Variants in DOCK11 observed in about 807,000 individuals in gnomAD.
DOCK11 encodes dedicator of cytokinesis protein 11.
In DOCK11, 70 loss-of-function variants were observed where a neutral mutation model predicts 169.1. The ratio of observed to expected loss-of-function variants is 0.41; its 90% CI spans 0.34 to 0.51. The LOEUF is 0.51. DOCK11 is among the 20% of genes least tolerant of loss of function. The pLI is 0.10. For synonymous variants in DOCK11, 529 were observed against 541.3 expected (o/e 0.98, Z 0.32); for missense variants, 1,166 against 1,538.8 (o/e 0.76, Z 4.05).
At chrX:118,507,507 G>A (rs1341026329) in intron 1 of DOCK11, among the ~76,000 whole-genome samples, 2 of 110,674 alleles carry the variant, frequency 1.8e-5, no homozygotes, top group African/African-American at 3.3e-5. Context: ...CTGCCACCAC[G>A]CCTGGCTAAT....
At chrX:118,653,034 A>G (rs2015983467) in intron 42 of DOCK11, among the ~76,000 whole-genome samples, 1 of 111,846 alleles carries the variant, frequency 8.9e-6, no homozygotes, top group Admixed American at 9.5e-5. Flanking sequence ...TCCGCAGGGG[A>G]TCAGTATATG....
At chrX:118,598,138 T>G in intron 22 of DOCK11, 22 bp downstream of exon 22, 1 of 1,108,969 alleles carries the variant, frequency 9.0e-7, no homozygotes, top group African/African-American at 1.8e-5. Flanking sequence ...CATTTGAATT[T>G]TGTCAATTTT....
intron 4 of DOCK11, among the ~76,000 whole-genome samples, chrX:118,544,833 T>C (rs2012199145): frequency 9.5e-6 from 1 of 105,810 alleles, no homozygotes. Flanking sequence ...GTTAATTTTT[T>C]TTTTTTTTTT....
intron 5 of DOCK11, 56 bp from the exon 6 acceptor site, chrX:118,545,965 G>T: frequency 1.1e-6 from 1 of 874,905 alleles, no homozygotes; most frequent in East Asian, 3.1e-5. Context: ...TAAATGTTTC[G>T]CTAATTAGAT....
At chrX:118,525,101 C>T (rs1415400873) in intron 1 of DOCK11, among the ~76,000 whole-genome samples, 2 of 108,909 alleles carry the variant, frequency 1.8e-5, no homozygotes, top group Admixed American at 9.8e-5. Flanking sequence ...GCCAAAATAG[C>T]GCCACTGCAC....
At position 118,561,471 on chromosome X, in the gene DOCK11, A is replaced by G; in HGVS notation, c.647A>G (p.Glu216Gly). 3 of 1,208,213 alleles carry G rather than the reference A, an allele frequency of 2.5e-6. No individual in the cohort carries two copies. In the South Asian group the frequency reaches 5.3e-5, roughly 22 times the overall value. ...NSYKDEKNSK[E>G]SKGCIYLDAC... ...TATAAAGATGAGAAAAATTCAAAAGAATCGAAAGGTTGCATCTACTTGGAC... is the reference window on the plus strand; with the variant it reads ...TATAAAGATGAGAAAAATTCAAAAGGATCGAAAGGTTGCATCTACTTGGAC... The change falls in exon 7 of 53, where the codon GAA becomes GGA. Residue 216 changes from glutamate to glycine, a missense_variant. Coordinates refer to ENST00000276202, the MANE Select transcript of DOCK11 (RefSeq NM_144658.4).
rs745682381 is a variant in DOCK11 at position 118,610,298 on chromosome X, G to A, written c.2976G>A (p.Glu992=). The part of the protein sequence containing the change: ...IKLPRGQRFP[E]TYHHVLHSLL... ...TTCCCCGAGGCCAGAGATTTCCCGA[G>A]ACATATCATCATGTCTTACATTCAC... The change falls in exon 28 of 53, where the codon GAG becomes GAA. Residue 992 remains glutamate, a synonymous_variant. Coordinates refer to ENST00000276202, the MANE Select transcript of DOCK11 (RefSeq NM_144658.4). The A allele has an allele frequency of 1.7e-6, 2 of 1,209,648 alleles. No homozygotes were observed. The highest frequency in any genetic ancestry group is 5.9e-5 in the East Asian group (2 of 33,792).
At chrX:118,524,397 T>G (rs763450589) in intron 1 of DOCK11, among the ~76,000 whole-genome samples, 1 of 111,656 alleles carries the variant, frequency 9.0e-6, no homozygotes, top group East Asian at 2.8e-4. Flanking sequence ...TTTGTCGGTG[T>G]CCTCTGATTT....
chrX:118,584,934 A>C lies in DOCK11; in HGVS notation c.1718+77A>C, dbSNP rs1187858515. The C allele has an allele frequency of 4.4e-6, 5 of 1,143,256 alleles. No individual in the cohort carries two copies. The East Asian group carries it at 1.5e-4, about 34-fold the overall frequency. The allele number at this position is 1,143,256 out of a possible 1,213,427, so 94.2% of individuals were successfully genotyped here. The stretch of plus-strand genomic sequence containing the variant: ...TTTTTTAAAATGATGAATGTGAGTC[A>C]TATATGGGAAAAACAGAATGATTAA... On this transcript the variant is annotated intron_variant, in intron 15 of 52. Transcript: ENST00000276202.
At chrX:118,587,443 A>C (rs1217067237) in intron 16 of DOCK11, among the ~76,000 whole-genome samples, 1 of 111,774 alleles carries the variant, frequency 8.9e-6, no homozygotes. Context: ...CAAATCCAAC[A>C]AAAAATACAG....
rs760609728 is a variant in DOCK11 at position 118,644,400 on chromosome X, G to A, written c.4398+806G>A. 2.7e-5 allele frequency among the ~76,000 whole-genome samples: 3 copies of A among 112,144 alleles called. No homozygotes were observed. The South Asian group carries it at 1.1e-3, about 41-fold the overall frequency. ...ATAGATACAGAAATTAGATGAATTT[G>A]AAGCTTTTTATTGCCATTCTTTAAT... On this transcript the variant is annotated intron_variant, in intron 40 of 52. Coordinates refer to ENST00000276202, the MANE Select transcript of DOCK11 (RefSeq NM_144658.4).
chrX:118,667,849 G>A (rs2016374615), intron 45 of DOCK11, among the ~76,000 whole-genome samples: 1 of 111,400 alleles, frequency 9.0e-6, no homozygotes, highest in African/African-American at 3.3e-5. Context: ...GAAGTCTTGG[G>A]TTAGATTTAC....
chrX:118,619,602 A>C (rs1047005580), intron 31 of DOCK11, among the ~76,000 whole-genome samples: 1 of 109,113 alleles, frequency 9.2e-6, no homozygotes, highest in Non-Finnish European at 1.9e-5. Context: ...AATTTTTAAA[A>C]AATTTATTCT....
At chrX:118,595,901 G>T (rs183096228) in intron 20 of DOCK11, among the ~76,000 whole-genome samples, 23 of 111,174 alleles carry the variant, frequency 2.1e-4, no homozygotes, top group African/African-American at 4.9e-4. Flanking sequence ...GTTGCCAGGG[G>T]CTGGGAGGAG....
chrX:118,517,539 A>G (rs2057697936), intron 1 of DOCK11, among the ~76,000 whole-genome samples: 1 of 111,032 alleles, frequency 9.0e-6, no homozygotes, highest in Non-Finnish European at 1.9e-5. Flanking sequence ...GTTCAAGATA[A>G]GAACCATACT....
At chrX:118,674,393 GTC>G (rs1425161991) in intron 46 of DOCK11, among the ~76,000 whole-genome samples, 1 of 112,030 alleles carries the variant, frequency 8.9e-6, no homozygotes, top group African/African-American at 3.3e-5. Context: ...TGATCCACCT[GTC>G]TCAGCCTTCC....
chrX:118,662,190 C>G (rs1382920045), intron 44 of DOCK11, among the ~76,000 whole-genome samples: 3 of 111,333 alleles, frequency 2.7e-5, no homozygotes, highest in Non-Finnish European at 5.7e-5. Context: ...GATGCTTCAT[C>G]CCTGCCATCT....
At chrX:118,532,545 C>T (rs1468370976) in intron 1 of DOCK11, among the ~76,000 whole-genome samples, 1 of 109,171 alleles carries the variant, frequency 9.2e-6, no homozygotes, top group Non-Finnish European at 1.9e-5. Flanking sequence ...CTTTGGGAGG[C>T]CGAGGCGGGT....
chrX:118,599,249 T>C (rs1358446886), intron 23 of DOCK11, 21 bp downstream of exon 23: 2 of 1,119,931 alleles, frequency 1.8e-6, no homozygotes, highest in Non-Finnish European at 2.4e-6. Context: ...AGCAGCTTTC[T>C]GCAAAACGTT....
Sources: gnomAD v4.1 joint callset for allele counts (sites outside exome capture counted in the v4.1 genomes callset) on GRCh38, gnomAD v4.1.1 for gene constraint, MANE v1.5 for transcripts, NCBI Gene and HGNC (gene_info 2026-07-23, HGNC 2026-07-21) for gene names.